The following CABIN1 variants were observed in gnomAD, a reference collection of about 807,000 sequenced individuals.
The protein encoded by CABIN1 is calcineurin-binding protein cabin-1.
CABIN1 carries 133 observed loss-of-function variants against 227.7 expected under a neutral mutation model. The ratio of observed to expected loss-of-function variants is 0.58; its 90% confidence interval spans 0.51 to 0.67. CABIN1 has a LOEUF of 0.67. CABIN1 is among the 30% of genes least tolerant of loss of function. The pLI, the probability that CABIN1 is intolerant of heterozygous loss-of-function variation, is 0.00. For synonymous variants in CABIN1, 1,086 were observed against 1,155.1 expected, an observed-to-expected ratio of 0.94 and a Z score of 1.21; for missense variants, 2,408 against 2,852.5, an observed-to-expected ratio of 0.84 and a Z score of 3.55.
intron 19 of CABIN1, among the ~76,000 whole-genome samples, 175 bp from the exon 20 acceptor site, chr22:24,083,053 C>T (rs955544536): frequency 6.6e-6 from 1 of 152,204 alleles, no homozygotes; most frequent in Non-Finnish European, 1.5e-5. Flanking sequence ...ATTAGGATAA[C>T]AAGACTTTTC....
chr22:24,091,946 C>A, intron 24 of CABIN1, 103 bp downstream of exon 24: 1 of 1,399,268 alleles, frequency 7.1e-7, no homozygotes, highest in Non-Finnish European at 9.9e-7. Context: ...GTCCTTCAAC[C>A]TGCCGCAAAC....
intron 22 of CABIN1, 33 bp downstream of exon 22, chr22:24,085,184 G>A (rs770690308): frequency 1.5e-5 from 24 of 1,613,358 alleles, no homozygotes; most frequent in Non-Finnish European, 2.0e-5. Flanking sequence ...TAGGCTGGCT[G>A]CAGGGATGAC....
At chr22:24,142,790 T>C (rs1285470911) in intron 29 of CABIN1, among the ~76,000 whole-genome samples, 5 of 152,202 alleles carry the variant, frequency 3.3e-5, no homozygotes, top group Non-Finnish European at 7.3e-5. Flanking sequence ...GCCCCAGGAC[T>C]GTCCACACAG....
rs1387191485 is a variant in CABIN1 at position 24,117,538 on chromosome 22, G to GT, written c.4301-1822dup. Among the ~76,000 whole-genome samples, 710 of 134,802 alleles carry GT rather than the reference G, an allele frequency of 5.3e-3. 6 individuals carry two copies. The highest frequency in any genetic ancestry group is 0.02 in the African/African-American group (679 of 33,394). The allele number at this position is 134,802 out of a possible 152,430, so 88.4% of individuals were successfully genotyped here. On this transcript the variant is annotated intron_variant, in intron 27 of 36. Coordinates refer to ENST00000263119, the MANE Select transcript of CABIN1 (RefSeq NM_012295.4). ...TTGTTTCTCAGGGGTTTTTTTGTTTGTTTTTTTGGGGGGGGGGTTAGGTTT... is the reference window on the plus strand; with the variant it reads ...TTGTTTCTCAGGGGTTTTTTTGTTTGTTTTTTTTGGGGGGGGGGTTAGGTTT...
At chr22:24,138,740 C>G (rs2044567445) in intron 29 of CABIN1, among the ~76,000 whole-genome samples, 1 of 152,220 alleles carries the variant, frequency 6.6e-6, no homozygotes, top group Admixed American at 6.5e-5. Context: ...AGCTCAGGAA[C>G]CTGTCCTCTT....
intron 24 of CABIN1, among the ~76,000 whole-genome samples, chr22:24,094,355 A>C (rs906424366): frequency 1.3e-5 from 2 of 152,318 alleles, no homozygotes; most frequent in Non-Finnish European, 1.5e-5. Context: ...AGCAGCTTCC[A>C]TATGAGGAAC....
chr22:24,139,777 A>G (rs910255207), intron 29 of CABIN1, among the ~76,000 whole-genome samples: 1 of 152,154 alleles, frequency 6.6e-6, no homozygotes, highest in African/African-American at 2.4e-5. Context: ...TGTGTTCCTA[A>G]GTCCCCTGGC....
At chr22:24,045,126 G>A (rs747649750) in intron 6 of CABIN1, among the ~76,000 whole-genome samples, 49 of 152,204 alleles carry the variant, frequency 3.2e-4, no homozygotes, top group Middle Eastern at 6.8e-3. Flanking sequence ...GGGTTTCACC[G>A]TGTTAGCCAG....
intron 2 of CABIN1, 80 bp from the exon 3 acceptor site, chr22:24,036,009 T>C (rs1388050490): frequency 8.7e-6 from 8 of 920,674 alleles, no homozygotes; most frequent in Non-Finnish European, 1.5e-5. Context: ...TGGAGCAGAA[T>C]TGTATTCATC....
chr22:24,071,951 C>T (rs2040117881), intron 17 of CABIN1, among the ~76,000 whole-genome samples: 1 of 152,166 alleles, frequency 6.6e-6, no homozygotes, highest in Non-Finnish European at 1.5e-5. Context: ...AGGCTCTCAC[C>T]TGTCTGCCCC....
chr22:24,125,399 G>A (rs1602225855), intron 28 of CABIN1, among the ~76,000 whole-genome samples: 2 of 152,338 alleles, frequency 1.3e-5, no homozygotes, highest in East Asian at 3.9e-4. Context: ...CCACCTGCCT[G>A]TGCTGCTGGC....
chr22:24,107,824 G>A (rs889183713), intron 26 of CABIN1, among the ~76,000 whole-genome samples: 2 of 152,240 alleles, frequency 1.3e-5, no homozygotes, highest in Non-Finnish European at 2.9e-5. Flanking sequence ...CAGCTTGCCA[G>A]TCGGTGAAAT....
In CABIN1 at chr22:24,165,614, C is replaced by A. The variant is rs201868169; in HGVS notation, c.4995C>A (p.Ser1665Arg). 1.2e-5 allele frequency: 19 copies of A among 1,612,320 alleles called. No individual in the cohort carries two copies. The highest frequency in any genetic ancestry group is 1.4e-5 in the Non-Finnish European group (17 of 1,179,736). Residue 1665 changes from serine (S) to arginine (R), a missense_variant, in exon 31 of 37, where the codon AGC (serine) becomes AGA (arginine). By Grantham distance (110) the Ser-to-Arg change is moderately radical. This residue lies in a region of CABIN1 where 714 missense variants were observed against 773.8 expected (regional missense o/e 0.92). Coordinates refer to ENST00000263119, the MANE Select transcript of CABIN1 (RefSeq NM_012295.4). ...TGAAGGTGCTCGAAGACACGCTGAGCGAGCTCGCAGAGGTATGCCACCTGT... is the reference window on the plus strand; with the variant it reads ...TGAAGGTGCTCGAAGACACGCTGAGAGAGCTCGCAGAGGTATGCCACCTGT... ...LTVKVLEDTL[S>R]ELAEGSERPG...
At chr22:24,133,304 G>A (rs533481966) in intron 28 of CABIN1, among the ~76,000 whole-genome samples, 13 of 152,362 alleles carry the variant, frequency 8.5e-5, no homozygotes, top group Admixed American at 3.9e-4. Flanking sequence ...TCAGGGAGCT[G>A]GAGTTGCACT....
chr22:24,110,521 C>T (rs892249117), intron 26 of CABIN1, among the ~76,000 whole-genome samples: 1 of 152,164 alleles, frequency 6.6e-6, no homozygotes, highest in Non-Finnish European at 1.5e-5. Flanking sequence ...TATGTAGATC[C>T]AAGTTTTATC....
intron 26 of CABIN1, among the ~76,000 whole-genome samples, chr22:24,099,205 T>C (rs1207078824): frequency 6.6e-6 from 1 of 152,174 alleles, no homozygotes; most frequent in Non-Finnish European, 1.5e-5. Flanking sequence ...TTCCTGGATA[T>C]AGCATGGGCA....
intron 20 of CABIN1, 66 bp downstream of exon 20, chr22:24,083,455 C>G (rs1398610629): frequency 1.9e-6 from 3 of 1,569,226 alleles, no homozygotes; most frequent in Non-Finnish European, 2.6e-6. Flanking sequence ...TGAAGGATGT[C>G]ATATTTGTCA....
intron 17 of CABIN1, among the ~76,000 whole-genome samples, chr22:24,071,912 C>G (rs1026060885): frequency 6.6e-6 from 1 of 152,178 alleles, no homozygotes; most frequent in Non-Finnish European, 1.5e-5. Flanking sequence ...GGACACACCA[C>G]AGCCACTCAC....
chr22:24,072,738 G>A (rs1437895532), intron 18 of CABIN1, among the ~76,000 whole-genome samples: 2 of 152,224 alleles, frequency 1.3e-5, no homozygotes, highest in African/African-American at 4.8e-5. Context: ...AGCATTGTAT[G>A]TTTGGTGCAG....
Sources: allele counts gnomAD v4.1 joint callset (sites outside exome capture counted in the v4.1 genomes callset), GRCh38; gene constraint gnomAD v4.1.1; regional missense constraint gnomAD v4.1.1; transcripts MANE v1.5; gene names NCBI Gene and HGNC (gene_info 2026-07-23, HGNC 2026-07-21).